PATJ: variants seen among roughly 807,000 people sequenced by gnomAD.
PATJ encodes the protein inaD-like protein.
PATJ carries 190 observed loss-of-function variants against 224.9 expected under a neutral mutation model. That is an observed-to-expected ratio of 0.84 (90% CI 0.75 to 0.95). The LOEUF (loss-of-function observed/expected upper bound fraction) is 0.95, where lower values mean the gene tolerates loss of function less well. PATJ is among the 40% of genes least tolerant of loss of function. PATJ has a pLI of 0.00. For missense variants in PATJ, 2,121 were observed against 2,270.3 expected (o/e 0.93, Z 1.34); for synonymous variants, 769 against 820.3 (o/e 0.94, Z 1.07).
intron 17 of PATJ, among the ~76,000 whole-genome samples, chr1:61,836,986 T>C (rs1417154949): frequency 6.6e-6 from 1 of 152,238 alleles, no homozygotes; most frequent in Non-Finnish European, 1.5e-5. Flanking sequence ...TTGTAGAGAT[T>C]GAAAATTTAC....
chr1:61,799,338 G>C (rs745343246), intron 11 of PATJ, among the ~76,000 whole-genome samples: 6 of 152,000 alleles, frequency 3.9e-5, no homozygotes, highest in Non-Finnish European at 8.8e-5. Context: ...AATTACAGGC[G>C]CTGCCCGCCA....
intron 27 of PATJ, among the ~76,000 whole-genome samples, chr1:61,987,377 C>G (rs1290357471): frequency 6.6e-6 from 1 of 151,652 alleles, no homozygotes; most frequent in African/African-American, 2.4e-5. Context: ...AGTGTATTGT[C>G]TTGTTAAAGT....
In PATJ at chr1:62,001,587, C is replaced by A. The variant is rs189297226; in HGVS notation, c.3867+11223C>A. ...TACCAGTACCATGCTGTTACTGTAG[C>A]CTTGTAGTATAGTTTGAAATCAGGT... On this transcript the variant is annotated intron_variant, in intron 28 of 43. Transcript: ENST00000642238. Among the ~76,000 whole-genome samples the A allele has an allele frequency of 7.4e-3, 1,113 of 151,240 alleles. 14 individuals carry two copies. Among genetic ancestry groups the A allele is most frequent in the African/African-American group, 0.026 (1,050 of 40,916 alleles).
intron 27 of PATJ, among the ~76,000 whole-genome samples, chr1:61,948,856 C>A (rs994222239): frequency 6.6e-6 from 1 of 152,126 alleles, no homozygotes; most frequent in African/African-American, 2.4e-5. Context: ...AAATGTGGCA[C>A]ATATGCACCA....
intron 20 of PATJ, among the ~76,000 whole-genome samples, chr1:61,872,953 T>G (rs1666840544): frequency 6.6e-6 from 1 of 152,220 alleles, no homozygotes; most frequent in Non-Finnish European, 1.5e-5. Flanking sequence ...GGAAGTATTT[T>G]GTATATCGGC....
rs573004746 is a variant in PATJ at position 61,849,721 on chromosome 1, A to G, written c.2113-6309A>G. On this transcript the variant is annotated intron_variant, in intron 17 of 43. Transcript: ENST00000642238. ...TATCAAAGGAAATAAACTATGATCC[A>G]TCTCTTTGCCATCCTGCTGTGTGGT... Among the ~76,000 whole-genome samples, 10 of 152,338 alleles carry G rather than the reference A, an allele frequency of 6.6e-5. No individual in the cohort carries two copies. In the South Asian group the frequency reaches 2.1e-3, roughly 32 times the overall value.
intron 19 of PATJ, among the ~76,000 whole-genome samples, chr1:61,863,027 G>GTTT (rs35033086): frequency 1.1e-4 from 9 of 79,998 alleles, no homozygotes; most frequent in East Asian, 3.9e-4. Context: ...ACTGTTTTCA[G>GTTT]TTTTTTTTTT....
chr1:62,109,662 C>G (rs1010186987), intron 34 of PATJ, among the ~76,000 whole-genome samples: 1 of 152,174 alleles, frequency 6.6e-6, no homozygotes, highest in African/African-American at 2.4e-5. Flanking sequence ...ATTTTCAAAT[C>G]AATTGGTGTT....
At chr1:62,036,901 G>A in intron 29 of PATJ, among the ~76,000 whole-genome samples, 1 of 114,510 alleles carries the variant, frequency 8.7e-6, no homozygotes, top group Admixed American at 9.0e-5. Context: ...AAGGAAGGAA[G>A]GGAGGGAGGG....
Position 61,941,372 on chromosome 1 carries a change from C to T in PATJ, c.3670+13543C>T, listed in dbSNP as rs537982417. Among the ~76,000 whole-genome samples, 44 of 152,178 alleles carry T rather than the reference C, an allele frequency of 2.9e-4. No homozygotes were observed. In the South Asian group the frequency reaches 3.9e-3, roughly 14 times the overall value. On this transcript the variant is annotated intron_variant, in intron 27 of 43. Transcript: ENST00000642238. Reference sequence around the variant, plus strand: ...GTTGTTTATAAAGTTAATTTTCAGCCGGGCACGATGGCTCATGCCTGTAAT... The same window carrying T: ...GTTGTTTATAAAGTTAATTTTCAGCTGGGCACGATGGCTCATGCCTGTAAT...
chr1:62,123,469 C>CTTTTTTTTTTT (rs34621846), intron 39 of PATJ, among the ~76,000 whole-genome samples: 1 of 64,538 alleles, frequency 1.5e-5, no homozygotes, highest in African/African-American at 6.6e-5. Flanking sequence ...CTATAAGTTT[C>CTTTTTTTTTTT]TTTTTTTTTT....
At chr1:61,994,495 T>C (rs978050060) in intron 28 of PATJ, among the ~76,000 whole-genome samples, 1 of 152,236 alleles carries the variant, frequency 6.6e-6, no homozygotes, top group Non-Finnish European at 1.5e-5. Context: ...TTTTTATTCC[T>C]TGATGGCTCT....
At chr1:61,812,354 TAGAGAGAGAGAGAGAGAGAGAGAG>T (rs71050165) in intron 14 of PATJ, among the ~76,000 whole-genome samples, 4 of 111,646 alleles carry the variant, frequency 3.6e-5, no homozygotes, top group African/African-American at 1.0e-4. Flanking sequence ...GGGGAGGGAA[TAGAGAGAGAGAGAGAGAGAGAGAG>T]AGAGAGAGAG....
chr1:61,869,097 ATTTT>A (rs113334846), intron 20 of PATJ, among the ~76,000 whole-genome samples: 4 of 125,510 alleles, frequency 3.2e-5, no homozygotes, highest in African/African-American at 9.4e-5. Flanking sequence ...TGGAAATAAC[ATTTT>A]TTTTTTTTTT....
intron 30 of PATJ, among the ~76,000 whole-genome samples, chr1:62,039,553 A>G (rs1651070999): frequency 1.3e-5 from 2 of 152,242 alleles, no homozygotes; most frequent in Admixed American, 6.5e-5. Flanking sequence ...AAGAATTATC[A>G]TATAGTGGGC....
At chr1:62,044,241 T>C (rs61777666) in intron 30 of PATJ, among the ~76,000 whole-genome samples, 51,907 of 152,086 alleles carry the variant, frequency 0.34, 9,726 homozygotes, top group Middle Eastern at 0.49. Flanking sequence ...ACTGAAATTT[T>C]GCATCCTCTG....
At chr1:61,749,941 G>A (rs184659292) in intron 1 of PATJ, among the ~76,000 whole-genome samples, 3 of 152,302 alleles carry the variant, frequency 2.0e-5, no homozygotes, top group Admixed American at 6.5e-5. Context: ...GCCTCCCAAA[G>A]TGCTGGGATA....
At chr1:62,056,341 T>G (rs1367536098) in intron 31 of PATJ, among the ~76,000 whole-genome samples, 1 of 152,198 alleles carries the variant, frequency 6.6e-6, no homozygotes, top group Non-Finnish European at 1.5e-5. Flanking sequence ...CATTTCCATG[T>G]AAGAGATAAA....
chr1:62,026,107 T>G lies in PATJ; in HGVS notation c.3959+8160T>G, dbSNP rs79953821. ...GTAAATAGAACTCATTATTCCACTG[T>G]CAATGGACTTTTATTTCCGATTTGA... On this transcript the variant is annotated intron_variant, in intron 29 of 43. Coordinates refer to ENST00000642238, the MANE Select transcript of PATJ (RefSeq NM_001350145.3). Among the ~76,000 whole-genome samples, 1,220 of 152,360 alleles carry G rather than the reference T, an allele frequency of 8.0e-3. 18 individuals carry two copies. Among genetic ancestry groups the G allele is most frequent in the African/African-American group, 0.028 (1,177 of 41,584 alleles).
Sources: gnomAD v4.1 joint callset for allele counts (sites outside exome capture counted in the v4.1 genomes callset) on GRCh38, gnomAD v4.1.1 for gene constraint, MANE v1.5 for transcripts, NCBI Gene and HGNC (gene_info 2026-07-23, HGNC 2026-07-21) for gene names.